The following FAM135B variants were observed in gnomAD, a reference collection of about 807,000 sequenced individuals.
FAM135B encodes the protein protein FAM135B.
A neutral mutation model predicts 127.7 loss-of-function variants in FAM135B; 43 were observed. That is an observed-to-expected ratio of 0.34 (90% confidence interval 0.26 to 0.43). The LOEUF (loss-of-function observed/expected upper bound fraction) is 0.43, where lower values mean the gene tolerates loss of function less well. Ranked by LOEUF, FAM135B falls within the 20% of genes least tolerant of loss-of-function variation. FAM135B has a pLI of 1.00. For synonymous variants in FAM135B, 670 were observed against 665.1 expected (o/e 1.01, Z -0.11); for missense variants, 1,558 against 1,725.6 (o/e 0.90, Z 1.72).
chr8:138,342,075 C>T lies in FAM135B; in HGVS notation c.77+25832G>A, dbSNP rs150780540. 4.0e-3 allele frequency among the ~76,000 whole-genome samples: 614 copies of T among 152,176 alleles called. 7 individuals carry two copies. Among genetic ancestry groups the T allele is most frequent in the African/African-American group, 0.014 (593 of 41,508 alleles). On this transcript the variant is annotated intron_variant, in intron 2 of 19. Transcript: ENST00000395297. ...ATTACTGCTAGAAACACCTACTAGG[C>T]GTCAAGCACTCTGCTAAGATCTCCA...
chr8:138,286,551 T>C (rs1023108039), intron 3 of FAM135B, among the ~76,000 whole-genome samples: 1 of 152,136 alleles, frequency 6.6e-6, no homozygotes, highest in Admixed American at 6.5e-5. Context: ...ATTTCACTCC[T>C]CAGAAAGCTA....
rs2130602469 is a variant in FAM135B, at chr8:138,141,424, T to A, written c.3639-75A>T. 6.8e-7 allele frequency: 1 copy of A among 1,465,764 alleles called. No individual in the cohort carries two copies. 90.8% of individuals were successfully genotyped at this position (1,465,764 alleles called of 1,614,324 possible). A position where few individuals can be genotyped will look rare whatever the true frequency, so the allele number is the denominator to read the frequency against. On this transcript the variant is annotated intron_variant, in intron 16 of 19. Transcript: ENST00000395297. This position sits in a 1 kb window ranked among gnomAD's most constrained non-coding sequence, Gnocchi z 4.7. Reference sequence around the variant, plus strand: ...GCCCAAGAGTGCAGTGCTGGAAGCATCAGGGGCCATTGTTCTCCACCTCCC... The same window carrying A: ...GCCCAAGAGTGCAGTGCTGGAAGCAACAGGGGCCATTGTTCTCCACCTCCC...
At chr8:138,412,172 T>TATAATCATGCAAC (rs1165991599) in intron 1 of FAM135B, among the ~76,000 whole-genome samples, 2 of 152,152 alleles carry the variant, frequency 1.3e-5, no homozygotes, top group Non-Finnish European at 2.9e-5. Context: ...CATCATGCAA[T>TATAATCATGCAAC]ATACTCATGC....
At chr8:138,208,308 A>G (rs1041987859) in intron 7 of FAM135B, among the ~76,000 whole-genome samples, 7 of 152,218 alleles carry the variant, frequency 4.6e-5, no homozygotes, top group African/African-American at 1.2e-4. Flanking sequence ...AAGTTTGAAA[A>G]TGATTAGACT....
chr8:138,354,505 C>T (rs565387882), intron 2 of FAM135B, among the ~76,000 whole-genome samples: 1 of 152,090 alleles, frequency 6.6e-6, no homozygotes, highest in South Asian at 2.1e-4. Context: ...CCTGGGTGGG[C>T]GTTTTGGGAG....
intron 3 of FAM135B, among the ~76,000 whole-genome samples, chr8:138,288,921 GCAGTATACA>G (rs1370337525): frequency 6.6e-6 from 1 of 152,188 alleles, no homozygotes; most frequent in Non-Finnish European, 1.5e-5. Context: ...CAGTAGGTCT[GCAGTATACA>G]CAGATGTCCT....
intron 1 of FAM135B, among the ~76,000 whole-genome samples, chr8:138,468,059 G>A (rs2131638235): frequency 6.6e-6 from 1 of 152,246 alleles, no homozygotes; most frequent in East Asian, 1.9e-4. Context: ...AAGAAAATAT[G>A]ACAAAATGTT....
chr8:138,472,819 C>G (rs1837756376), intron 1 of FAM135B, among the ~76,000 whole-genome samples: 1 of 152,286 alleles, frequency 6.6e-6, no homozygotes, highest in Admixed American at 6.5e-5. Context: ...CTAGTAGATG[C>G]AGGTATCATG....
At chr8:138,464,189 G>A (rs1837272643) in intron 1 of FAM135B, among the ~76,000 whole-genome samples, 2 of 152,168 alleles carry the variant, frequency 1.3e-5, no homozygotes, top group Admixed American at 1.3e-4. Flanking sequence ...GCCTATCATG[G>A]TGGATGGGGA....
At chr8:138,403,111 C>T (rs1263192620) in intron 1 of FAM135B, among the ~76,000 whole-genome samples, 1 of 152,156 alleles carries the variant, frequency 6.6e-6, no homozygotes, top group Non-Finnish European at 1.5e-5. Context: ...TTTAAGCCAT[C>T]CTGTCTATGG....
chr8:138,396,654 G>C (rs891377528), intron 1 of FAM135B, among the ~76,000 whole-genome samples: 3 of 152,190 alleles, frequency 2.0e-5, no homozygotes, highest in African/African-American at 7.2e-5. Flanking sequence ...CTGGCCAATA[G>C]TACATGGAGA....
At chr8:138,317,071 G>A (rs941307406) in intron 2 of FAM135B, among the ~76,000 whole-genome samples, 2 of 151,158 alleles carry the variant, frequency 1.3e-5, no homozygotes, top group African/African-American at 4.9e-5. Context: ...ACTTACTTAT[G>A]CAAGAACTTG....
intron 1 of FAM135B, among the ~76,000 whole-genome samples, chr8:138,371,072 C>T (rs1297071482): frequency 1.3e-5 from 2 of 152,158 alleles, no homozygotes; most frequent in Admixed American, 6.5e-5. Flanking sequence ...AATTTGAGAA[C>T]CACTGGCCTA....
At chr8:138,323,505 G>A (rs1051033985) in intron 2 of FAM135B, among the ~76,000 whole-genome samples, 8 of 152,180 alleles carry the variant, frequency 5.3e-5, no homozygotes, top group African/African-American at 1.9e-4. Context: ...GGTTGTTAAA[G>A]CAGGCTTTCT....
intron 3 of FAM135B, among the ~76,000 whole-genome samples, chr8:138,276,994 C>T (rs1365009495): frequency 2.0e-5 from 3 of 152,200 alleles, no homozygotes; most frequent in Non-Finnish European, 4.4e-5. Context: ...ATAACAACTG[C>T]TCCTATCAGA....
chr8:138,437,754 G>A (rs1835532260), intron 1 of FAM135B: 1 of 152,126 alleles, frequency 6.6e-6, no homozygotes, highest in Non-Finnish European at 1.5e-5. Flanking sequence ...ATAAAGTGAA[G>A]ATAAGACTTA....
At chr8:138,269,606 C>T (rs1001231965) in intron 3 of FAM135B, among the ~76,000 whole-genome samples, 5 of 152,182 alleles carry the variant, frequency 3.3e-5, no homozygotes, top group African/African-American at 1.2e-4. Context: ...ACTATGGGTT[C>T]CTCAAAGTCA....
chr8:138,375,627 T>C (rs774813772), intron 1 of FAM135B, among the ~76,000 whole-genome samples: 2 of 152,204 alleles, frequency 1.3e-5, no homozygotes, highest in African/African-American at 2.4e-5. Context: ...AATGTTAATA[T>C]ATCTAGTTAA....
intron 1 of FAM135B, among the ~76,000 whole-genome samples, chr8:138,422,787 G>T (rs1482176997): frequency 6.6e-6 from 1 of 152,098 alleles, no homozygotes; most frequent in African/African-American, 2.4e-5. Flanking sequence ...AATATAAATT[G>T]TTCTACTGTA....
Sources: gnomAD v4.1 joint callset for allele counts (sites outside exome capture counted in the v4.1 genomes callset) on GRCh38, gnomAD v4.1.1 for gene constraint, Gnocchi (gnomAD v3.1) non-coding constraint, MANE v1.5 for transcripts, NCBI Gene and HGNC (gene_info 2026-07-23, HGNC 2026-07-21) for gene names.